The following CADM2 variants were observed in gnomAD, a reference collection of about 807,000 sequenced individuals.
The protein encoded by CADM2 is cell adhesion molecule 2.
CADM2 carries 12 observed loss-of-function variants against 49.8 expected under a neutral mutation model. The ratio of observed to expected loss-of-function variants is 0.24; its 90% CI spans 0.15 to 0.39. CADM2 has a LOEUF of 0.39. CADM2 is among the 10% of genes least tolerant of loss of function. The pLI is 1.00. For synonymous variants in CADM2, 214 were observed against 175.4 expected (o/e 1.22, Z -1.74); for missense variants, 378 against 492.3 (o/e 0.77, Z 2.20).
chr3:84,994,089 T>C (rs1388471218), intron 1 of CADM2, among the ~76,000 whole-genome samples: 1 of 152,126 alleles, frequency 6.6e-6, no homozygotes, highest in Admixed American at 6.6e-5. Flanking sequence ...ATGCCTTTTT[T>C]TTGTGCTCAG....
At chr3:85,085,793 T>C (rs1234083217) in intron 1 of CADM2, among the ~76,000 whole-genome samples, 1 of 152,194 alleles carries the variant, frequency 6.6e-6, no homozygotes, top group Non-Finnish European at 1.5e-5. Flanking sequence ...AAATGAACCA[T>C]CAATTAATTC....
intron 1 of CADM2, among the ~76,000 whole-genome samples, chr3:85,119,151 G>T (rs1013584921): frequency 1.3e-5 from 2 of 152,214 alleles, no homozygotes; most frequent in Middle Eastern, 3.4e-3. Context: ...GGTGGCTCAC[G>T]CCTGTAATCC....
intron 1 of CADM2, among the ~76,000 whole-genome samples, chr3:85,305,090 C>G (rs1370505065): frequency 6.6e-6 from 1 of 151,434 alleles, no homozygotes; most frequent in East Asian, 1.9e-4. Flanking sequence ...TTATATATGT[C>G]TTAATTTTTT....
rs375626163 is a variant in CADM2 at position 85,296,411 on chromosome 3, CTAAAG to C, written c.61+336748_61+336752del. ...ATATCTAGTTGTGTTCATATCATAA[CTAAAG>C]TAAACAATTTTTTTTTTCTATTTTA... On this transcript the variant is annotated intron_variant, in intron 1 of 9. Transcript: ENST00000383699. 7.1e-3 allele frequency among the ~76,000 whole-genome samples: 1,066 copies of C among 150,474 alleles called. 9 individuals are homozygous for C. Among genetic ancestry groups the C allele is most frequent in the African/African-American group, 0.024 (973 of 40,594 alleles).
At chr3:85,159,732 G>T (rs1218720875) in intron 1 of CADM2, among the ~76,000 whole-genome samples, 2 of 152,128 alleles carry the variant, frequency 1.3e-5, no homozygotes, top group African/African-American at 2.4e-5. Context: ...TTACTCCCTG[G>T]TTCCATGACG....
At chr3:85,158,934 G>T (rs575938010) in intron 1 of CADM2, among the ~76,000 whole-genome samples, 1 of 152,074 alleles carries the variant, frequency 6.6e-6, no homozygotes, top group Non-Finnish European at 1.5e-5. Context: ...GAGAGAGAAA[G>T]ATAGTTGCAT....
chr3:85,224,494 G>T (rs547669673), intron 1 of CADM2, among the ~76,000 whole-genome samples: 11 of 152,142 alleles, frequency 7.2e-5, no homozygotes, highest in Non-Finnish European at 1.6e-4. Context: ...GTAGAGTCTG[G>T]ATATTAGCCC....
At chr3:85,627,377 A>G (rs2064159117) in intron 1 of CADM2, among the ~76,000 whole-genome samples, 1 of 151,776 alleles carries the variant, frequency 6.6e-6, no homozygotes, top group East Asian at 1.9e-4. Context: ...GTGTGTAGAT[A>G]TGTACACATC....
intron 1 of CADM2, among the ~76,000 whole-genome samples, chr3:85,629,896 A>C (rs545134452): frequency 6.6e-6 from 1 of 152,138 alleles, no homozygotes; most frequent in African/African-American, 2.4e-5. Flanking sequence ...ATGAGAAAAT[A>C]AAAGTATCTA....
chr3:85,274,596 G>A (rs1416356302), intron 1 of CADM2, among the ~76,000 whole-genome samples: 1 of 151,342 alleles, frequency 6.6e-6, no homozygotes, highest in Non-Finnish European at 1.5e-5. Flanking sequence ...TGGAAGCAAG[G>A]TTGTCCATTA....
chr3:85,976,458 A>G (rs1726797632), intron 8 of CADM2, among the ~76,000 whole-genome samples: 1 of 151,614 alleles, frequency 6.6e-6, no homozygotes, highest in Non-Finnish European at 1.5e-5. Context: ...TCCCATTAAT[A>G]TTCTGGTGCT....
intron 8 of CADM2, among the ~76,000 whole-genome samples, chr3:85,980,115 G>A (rs1414053341): frequency 6.6e-6 from 1 of 151,398 alleles, no homozygotes; most frequent in East Asian, 1.9e-4. Flanking sequence ...AGTGCTCAGA[G>A]AGAATTTGTC....
chr3:85,602,069 C>A (rs2107401536), intron 1 of CADM2, among the ~76,000 whole-genome samples: 1 of 151,878 alleles, frequency 6.6e-6, no homozygotes, highest in East Asian at 1.9e-4. Flanking sequence ...GAATTAAAAG[C>A]AATTATCATT....
At chr3:85,184,875 A>G (rs896993817) in intron 1 of CADM2, among the ~76,000 whole-genome samples, 4 of 152,120 alleles carry the variant, frequency 2.6e-5, no homozygotes, top group Non-Finnish European at 5.9e-5. Context: ...TGTTAGGGGG[A>G]TAAACTCTCT....
chr3:85,266,548 A>G (rs948329503), intron 1 of CADM2, among the ~76,000 whole-genome samples: 3 of 79,704 alleles, frequency 3.8e-5, no homozygotes, highest in African/African-American at 1.2e-4. Context: ...CAATTTTTAA[A>G]TGATTTATCT....
intron 1 of CADM2, among the ~76,000 whole-genome samples, chr3:85,253,221 A>G (rs2042813753): frequency 6.6e-6 from 1 of 152,114 alleles, no homozygotes; most frequent in African/African-American, 2.4e-5. Context: ...CAATAGATAT[A>G]CAATAGATGC....
rs553146841 is a variant in CADM2 at position 86,048,827 on chromosome 3, A to C, written c.971-16778A>C. Among the ~76,000 whole-genome samples, 3 of 152,192 alleles carry C rather than the reference A, an allele frequency of 2.0e-5. No homozygotes were observed. In the East Asian group the frequency reaches 5.8e-4, roughly 29 times the overall value. On this transcript the variant is annotated intron_variant, in intron 8 of 9. Coordinates refer to ENST00000383699, the MANE Select transcript of CADM2 (RefSeq NM_001167675.2). ...GGATGCCCTACTAAGAATGTTCTAC[A>C]TAAGATCCCATCTCATTTTCACAAT...
intron 3 of CADM2, among the ~76,000 whole-genome samples, chr3:85,880,146 A>G (rs1712528788): frequency 6.6e-6 from 1 of 152,170 alleles, no homozygotes. Context: ...TGCGTTTCTT[A>G]GTGGTTGCTC....
At chr3:85,909,286 A>G (rs1178142625) in intron 5 of CADM2, among the ~76,000 whole-genome samples, 1 of 152,080 alleles carries the variant, frequency 6.6e-6, no homozygotes, top group Non-Finnish European at 1.5e-5. Flanking sequence ...GGATTATGAA[A>G]GAAAGAAATT....
Sources: gnomAD v4.1 joint callset for allele counts (sites outside exome capture counted in the v4.1 genomes callset) on GRCh38, gnomAD v4.1.1 for gene constraint, MANE v1.5 for transcripts, NCBI Gene and HGNC (gene_info 2026-07-23, HGNC 2026-07-21) for gene names.